Variants in TRAPPC9 observed in about 807,000 individuals in gnomAD.
The protein encoded by TRAPPC9 is trafficking protein particle complex subunit 9.
TRAPPC9 carries 83 observed loss-of-function variants against 124.0 expected under a neutral mutation model. That is an observed-to-expected ratio of 0.67 (90% confidence interval 0.56 to 0.80). The LOEUF (loss-of-function observed/expected upper bound fraction) is 0.80, where lower values mean the gene tolerates loss of function less well. Among genes scored for constraint, TRAPPC9 ranks in the 30% least tolerant of loss-of-function variants. The pLI is 0.00. For missense variants in TRAPPC9, 1,302 were observed against 1,508.3 expected (o/e 0.86, Z 2.27); for synonymous variants, 638 against 617.5 (o/e 1.03, Z -0.49).
At chr8:140,050,607 C>T (rs945219756) in intron 17 of TRAPPC9, among the ~76,000 whole-genome samples, 6 of 152,144 alleles carry the variant, frequency 3.9e-5, no homozygotes, top group Admixed American at 2.0e-4. Context: ...CGGAGGCACA[C>T]GGGACTCAGG....
At chr8:139,782,296 G>A (rs115380176) in intron 21 of TRAPPC9, among the ~76,000 whole-genome samples, 3,260 of 152,262 alleles carry the variant, frequency 0.021, 101 homozygotes, top group African/African-American at 0.074. Flanking sequence ...AGGAGAATCA[G>A]TTGAACCCAG....
chr8:140,045,519 C>T (rs1204358353), intron 17 of TRAPPC9, among the ~76,000 whole-genome samples: 1 of 148,620 alleles, frequency 6.7e-6, no homozygotes, highest in Non-Finnish European at 1.5e-5. Flanking sequence ...CCCAGCTACT[C>T]GGGAAGGTGA....
intron 17 of TRAPPC9, among the ~76,000 whole-genome samples, chr8:140,036,591 CA>C (rs1840902880): frequency 6.6e-6 from 1 of 152,116 alleles, no homozygotes; most frequent in Non-Finnish European, 1.5e-5. Context: ...TGATTTAGGA[CA>C]CAGGAAGTTT....
intron 5 of TRAPPC9, among the ~76,000 whole-genome samples, chr8:140,410,076 G>A (rs1327631393): frequency 1.3e-5 from 2 of 148,170 alleles, no homozygotes; most frequent in Admixed American, 6.8e-5. Flanking sequence ...AGAAGGCCAA[G>A]GCTGCAGTGA....
At chr8:140,167,500 C>T (rs989223241) in intron 17 of TRAPPC9, among the ~76,000 whole-genome samples, 6 of 152,146 alleles carry the variant, frequency 3.9e-5, no homozygotes, top group Admixed American at 3.9e-4. Flanking sequence ...AGGGTGGAAA[C>T]GGAGGTTCTG....
At chr8:140,009,383 T>C (rs1377490407) in intron 18 of TRAPPC9, among the ~76,000 whole-genome samples, 3 of 152,232 alleles carry the variant, frequency 2.0e-5, no homozygotes, top group African/African-American at 7.2e-5. Context: ...AAACCAATCA[T>C]GTATATGATT....
chr8:139,889,572 T>C (rs1240453198), intron 20 of TRAPPC9, among the ~76,000 whole-genome samples: 4 of 152,168 alleles, frequency 2.6e-5, no homozygotes, highest in South Asian at 2.1e-4. Flanking sequence ...ATGGTGGCAA[T>C]GGCTGCATGA....
rs982879277 is a variant in TRAPPC9 at position 140,270,817 on chromosome 8, C to T, written c.2278+4841G>A. Among the ~76,000 whole-genome samples the T allele has an allele frequency of 4.6e-5, 7 of 152,204 alleles. No individual in the cohort carries two copies. The East Asian group carries it at 5.8e-4, about 13-fold the overall frequency. On this transcript the variant is annotated intron_variant, in intron 15 of 22. Transcript: ENST00000438773. ...CCAAAATTAGCTCCTGACAGCAATG[C>T]GACTCCAGCTGAAGAGGAGAGGTGG... is the stretch of plus-strand genomic sequence containing the variant.
intron 17 of TRAPPC9, among the ~76,000 whole-genome samples, chr8:140,025,026 A>G (rs781005462): frequency 1.3e-5 from 2 of 152,170 alleles, no homozygotes; most frequent in Non-Finnish European, 2.9e-5. Flanking sequence ...GCCCAGCGGT[A>G]CCCAGTGAGA....
intron 19 of TRAPPC9, among the ~76,000 whole-genome samples, chr8:139,950,098 C>T (rs533975066): frequency 6.6e-6 from 1 of 152,118 alleles, no homozygotes; most frequent in Non-Finnish European, 1.5e-5. Context: ...CCCATGATGG[C>T]GAGGCGAGTG....
intron 21 of TRAPPC9, among the ~76,000 whole-genome samples, chr8:139,789,426 C>T (rs1822498908): frequency 1.3e-5 from 2 of 152,338 alleles, no homozygotes; most frequent in South Asian, 4.1e-4. Flanking sequence ...ATCACAGCAG[C>T]ATCGCCTGAC....
intron 17 of TRAPPC9, among the ~76,000 whole-genome samples, chr8:140,111,597 G>C (rs1314356684): frequency 6.6e-6 from 1 of 152,206 alleles, no homozygotes; most frequent in African/African-American, 2.4e-5. Context: ...GTCTCCCTAA[G>C]ATACAAACCT....
chr8:140,408,194 T>C, intron 5 of TRAPPC9, among the ~76,000 whole-genome samples: 1 of 152,068 alleles, frequency 6.6e-6, no homozygotes, highest in East Asian at 1.9e-4. Flanking sequence ...CCATAGCCTG[T>C]AGATTACAGG....
chr8:140,316,690 T>C (rs1451912995), intron 9 of TRAPPC9, among the ~76,000 whole-genome samples: 2 of 152,218 alleles, frequency 1.3e-5, no homozygotes, highest in Non-Finnish European at 1.5e-5. Context: ...ATCAGGGATA[T>C]CTGTCTTTTG....
chr8:140,147,674 G>A (rs1473153161), intron 17 of TRAPPC9, among the ~76,000 whole-genome samples: 1 of 152,262 alleles, frequency 6.6e-6, no homozygotes, highest in Non-Finnish European at 1.5e-5. Context: ...GTGATAGACA[G>A]TGGTAGACAG....
At chr8:140,345,354 T>C (rs942762925) in intron 9 of TRAPPC9, among the ~76,000 whole-genome samples, 4 of 152,146 alleles carry the variant, frequency 2.6e-5, no homozygotes, top group Admixed American at 2.6e-4. Flanking sequence ...GAGCCATCAA[T>C]CCTAATGGTA....
At chr8:139,980,606 C>T (rs1708927190) in intron 19 of TRAPPC9, among the ~76,000 whole-genome samples, 1 of 152,252 alleles carries the variant, frequency 6.6e-6, no homozygotes, top group East Asian at 1.9e-4. Context: ...GCCTCTAACG[C>T]TGCTCTTTAG....
In TRAPPC9 at chr8:139,788,706, C is replaced by T. The variant is rs896849231; in HGVS notation, c.3056-56504G>A. On this transcript the variant is annotated intron_variant, in intron 21 of 22. Transcript: ENST00000438773. This position sits in a 1 kb window ranked among gnomAD's most constrained non-coding sequence, Gnocchi z 4.9. The stretch of plus-strand genomic sequence containing the variant: ...GCCACGCAGAGTCGAGTTACCATCA[C>T]GCCTGCCTTCGTGGGCGCAGGCTGA... Among the ~76,000 whole-genome samples, 9 of 152,208 alleles carry T rather than the reference C, an allele frequency of 5.9e-5. No individual in the cohort carries two copies. The highest frequency in any genetic ancestry group is 1.7e-4 in the African/African-American group (7 of 41,460).
chr8:140,131,890 A>C (rs2061215049), intron 17 of TRAPPC9, among the ~76,000 whole-genome samples: 1 of 152,126 alleles, frequency 6.6e-6, no homozygotes, highest in Non-Finnish European at 1.5e-5. Flanking sequence ...CACATCCTAG[A>C]AGGGTTTGGA....
Sources: allele counts gnomAD v4.1 joint callset (sites outside exome capture counted in the v4.1 genomes callset), GRCh38; gene constraint gnomAD v4.1.1; non-coding constraint Gnocchi (gnomAD v3.1); transcripts MANE v1.5; gene names NCBI Gene and HGNC (gene_info 2026-07-23, HGNC 2026-07-21).